LRP1B: variants seen among roughly 807,000 people sequenced by gnomAD.
LRP1B encodes the protein LDL receptor related protein 1B, also known as low-density lipoprotein receptor-related protein 1B.
LRP1B carries 217 observed loss-of-function variants against 556.6 expected under a neutral mutation model. That is an observed-to-expected ratio of 0.39 (90% CI 0.35 to 0.44). The LOEUF is 0.44. LRP1B is among the 20% of genes least tolerant of loss of function. The probability of loss-of-function intolerance (pLI) is 1.00; values close to 1 mark genes in which losing one functional copy is unlikely to be tolerated. For synonymous variants in LRP1B, 2,047 were observed against 1,865.8 expected, an observed-to-expected ratio of 1.10 and a Z score of -2.50; for missense variants, 5,053 against 5,620.8, an observed-to-expected ratio of 0.90 and a Z score of 3.23.
Position 141,865,554 on chromosome 2 carries a change from T to A in LRP1B, c.83-55153A>T, listed in dbSNP as rs2105793019. ...TTGCAGCGAGCCGAGATCCCGCCAC[T>A]GCACTCCAGCCTGGGCGACAGAGCG... On this transcript the variant is annotated intron_variant, in intron 1 of 90. Transcript: ENST00000389484. Among the ~76,000 whole-genome samples, 3 of 127,714 alleles carry A rather than the reference T, an allele frequency of 2.3e-5. No individual in the cohort carries two copies. The East Asian group carries it at 6.7e-4, about 28-fold the overall frequency. The allele number at this position is 127,714 out of a possible 152,430, so 83.8% of individuals were successfully genotyped here.
In LRP1B at chr2:141,005,371, T is replaced by A. The variant is rs747340495; in HGVS notation, c.2467A>T (p.Asn823Tyr). 1.1e-5 allele frequency: 17 copies of A among 1,610,300 alleles called. No individual in the cohort carries two copies. In the South Asian group the frequency reaches 1.8e-4, roughly 17 times the overall value. The change falls in exon 15 of 91, where the codon AAT (asparagine) becomes TAT (tyrosine). Residue 823 changes from asparagine (N) to tyrosine (Y), a missense_variant. Physicochemically the swap from Asn to Tyr is moderately radical, Grantham distance 143. Coordinates refer to ENST00000389484, the MANE Select transcript of LRP1B (RefSeq NM_018557.3). ...PGGRVCACAD[N>Y]QLLDENGTTC... The stretch of plus-strand genomic sequence containing the variant: ...GTCCCATTTTCATCCAAAAGTTGAT[T>A]ATCGGCACAAGCACACACCCGGCCT...
At chr2:141,145,922 C>CTTTTTTT (rs70991144) in intron 7 of LRP1B, among the ~76,000 whole-genome samples, 19 of 67,160 alleles carry the variant, frequency 2.8e-4, no homozygotes, top group East Asian at 8.8e-4. Flanking sequence ...TTCTTTCTTT[C>CTTTTTTT]TTTTTTTTTT....
At chr2:140,601,414 A>T (rs2105197804) in intron 42 of LRP1B, 36 bp downstream of exon 42, 1 of 1,444,010 alleles carries the variant, frequency 6.9e-7, no homozygotes, top group Non-Finnish European at 9.4e-7. Flanking sequence ...TTGACTTATA[A>T]CTATAATGAA....
At chr2:142,108,298 C>G (rs568586378) in intron 1 of LRP1B, among the ~76,000 whole-genome samples, 1 of 151,974 alleles carries the variant, frequency 6.6e-6, no homozygotes, top group African/African-American at 2.4e-5. Context: ...CTCAAATAAG[C>G]TTCTATATGT....
intron 7 of LRP1B, among the ~76,000 whole-genome samples, chr2:141,171,755 G>C (rs1415675077): frequency 6.6e-6 from 1 of 151,984 alleles, no homozygotes; most frequent in Non-Finnish European, 1.5e-5. Flanking sequence ...ACCATGGGTA[G>C]GTAATTGCAC....
At chr2:141,980,910 C>T (rs989676369) in intron 1 of LRP1B, among the ~76,000 whole-genome samples, 10 of 152,056 alleles carry the variant, frequency 6.6e-5, no homozygotes, top group South Asian at 2.1e-4. Flanking sequence ...AAAGCTACAT[C>T]CTACCTATTG....
At chr2:140,937,779 G>A (rs1695273000) in intron 20 of LRP1B, among the ~76,000 whole-genome samples, 1 of 152,020 alleles carries the variant, frequency 6.6e-6, no homozygotes, top group Non-Finnish European at 1.5e-5. Context: ...GTATGATATA[G>A]ATTAGAAGTC....
intron 2 of LRP1B, among the ~76,000 whole-genome samples, chr2:141,659,321 T>A (rs1000790283): frequency 6.6e-6 from 1 of 152,170 alleles, no homozygotes; most frequent in Non-Finnish European, 1.5e-5. Context: ...AGCTCTGCCA[T>A]TGTATCATGA....
chr2:141,101,065 C>A (rs1467878113), intron 7 of LRP1B, among the ~76,000 whole-genome samples: 1 of 152,078 alleles, frequency 6.6e-6, no homozygotes, highest in Admixed American at 6.6e-5. Context: ...TGAGACGAAG[C>A]AATGATGTTA....
chr2:141,714,962 A>G (rs1296224384), intron 2 of LRP1B, among the ~76,000 whole-genome samples: 2 of 152,192 alleles, frequency 1.3e-5, no homozygotes, highest in African/African-American at 4.8e-5. Flanking sequence ...AAGATGTTTT[A>G]TTATTGTAAT....
intron 53 of LRP1B, among the ~76,000 whole-genome samples, chr2:140,506,382 T>C (rs1689413133): frequency 6.6e-6 from 1 of 151,868 alleles, no homozygotes; most frequent in African/African-American, 2.4e-5. Context: ...GTAGCTGGGA[T>C]TACAGGCATG....
At chr2:141,070,575 T>A (rs558918093) in intron 7 of LRP1B, among the ~76,000 whole-genome samples, 45 of 152,130 alleles carry the variant, frequency 3.0e-4, no homozygotes, top group African/African-American at 1.1e-3. Flanking sequence ...AGCTGGTTTT[T>A]TGAAAGGATC....
chr2:141,421,203 T>C (rs1352995498), intron 3 of LRP1B, among the ~76,000 whole-genome samples: 1 of 152,196 alleles, frequency 6.6e-6, no homozygotes, highest in African/African-American at 2.4e-5. Context: ...GAGTTTTAAT[T>C]TTTTAACACT....
rs539125974 is a variant in LRP1B, at chr2:141,762,741, G to A, written c.205+47538C>T. 3.9e-5 allele frequency among the ~76,000 whole-genome samples: 6 copies of A among 152,242 alleles called. No individual in the cohort carries two copies. The South Asian group carries it at 6.2e-4, about 16-fold the overall frequency. On this transcript the variant is annotated intron_variant, in intron 2 of 90. Coordinates refer to ENST00000389484, the MANE Select transcript of LRP1B (RefSeq NM_018557.3). ...GAGGATAAGAAGGGTCATTACTTGC[G>A]TGACTATAGTGTTTTTCTTTAAGTT...
At chr2:140,589,645 G>A (rs189273009) in intron 43 of LRP1B, among the ~76,000 whole-genome samples, 165 of 152,208 alleles carry the variant, frequency 1.1e-3, no homozygotes, top group African/African-American at 3.9e-3. Flanking sequence ...GCAACAACCT[G>A]AATGAATCTC....
chr2:140,677,381 G>T (rs1685707469), intron 41 of LRP1B, among the ~76,000 whole-genome samples: 1 of 152,194 alleles, frequency 6.6e-6, no homozygotes, highest in African/African-American at 2.4e-5. Context: ...AGAGCAATTT[G>T]TTTATAGTTT....
chr2:140,321,994 A>G lies in LRP1B; in HGVS notation c.12609T>C (p.Ile4203=). ...TCVCPEGKYL[I]NGTCNDDSLL... is the part of the protein sequence containing the mutation. ...GGCTGTCATCATTGCAGGTGCCATTAATCAAATATTTTCCTTCTGGACACA... is the reference window on the plus strand; with the variant it reads ...GGCTGTCATCATTGCAGGTGCCATTGATCAAATATTTTCCTTCTGGACACA... The change falls in exon 82 of 91, where the codon ATT becomes ATC. Residue 4203 remains isoleucine, a synonymous_variant. Transcript: ENST00000389484. The G allele has an allele frequency of 1.2e-6, 2 of 1,613,158 alleles. No homozygotes were observed. Among genetic ancestry groups the G allele is most frequent in the Middle Eastern group, 1.7e-4 (1 of 6,048 alleles).
chr2:142,104,537 T>C (rs903063278), intron 1 of LRP1B, among the ~76,000 whole-genome samples: 1 of 152,102 alleles, frequency 6.6e-6, no homozygotes, highest in Non-Finnish European at 1.5e-5. Flanking sequence ...TTGAGTCCTG[T>C]GAGTGTTTAT....
intron 11 of LRP1B, among the ~76,000 whole-genome samples, chr2:141,028,131 C>T (rs1338048107): frequency 2.0e-5 from 3 of 151,852 alleles, no homozygotes; most frequent in Non-Finnish European, 4.4e-5. Context: ...TAATAAATTG[C>T]TTTGTAAATG....
Sources: gnomAD v4.1 joint callset for allele counts (sites outside exome capture counted in the v4.1 genomes callset) on GRCh38, gnomAD v4.1.1 for gene constraint, MANE v1.5 for transcripts, NCBI Gene and HGNC (gene_info 2026-07-23, HGNC 2026-07-21) for gene names.